The following UVSSA variants were observed in gnomAD, a reference collection of about 807,000 sequenced individuals.
The protein encoded by UVSSA is UV-stimulated scaffold protein A.
A neutral mutation model predicts 73.9 loss-of-function variants in UVSSA; 72 were observed. The observed-to-expected ratio is 0.97, with a 90% CI of 0.81 to 1.19. UVSSA has a LOEUF of 1.19. UVSSA is among the 50% of genes most tolerant of loss of function. UVSSA has a pLI of 0.00. For synonymous variants in UVSSA, 454 were observed against 391.3 expected (o/e 1.16, Z -1.89); for missense variants, 1,150 against 965.0 (o/e 1.19, Z -2.54).
At chr4:1,379,753 G>C (rs1384630792) in intron 10 of UVSSA, among the ~76,000 whole-genome samples, 1 of 149,768 alleles carries the variant, frequency 6.7e-6, no homozygotes, top group South Asian at 2.2e-4. Flanking sequence ...CGCGCGGCTG[G>C]TTCACGTGGC....
rs1258014707 is a variant in UVSSA, at chr4:1,386,894, T to G, written c.*933T>G. 1 of 151,724 alleles carries G rather than the reference T, an allele frequency of 6.6e-6. No homozygotes were observed. The highest frequency in any genetic ancestry group is 1.5e-5 in the Non-Finnish European group (1 of 67,954). The allele number at this position is 151,724 out of a possible 1,614,324, so 9.4% of individuals were successfully genotyped here. On this transcript the variant is annotated 3_prime_UTR_variant, in exon 14 of 14. Transcript: ENST00000389851. ...CACAACACCTGGCTAATTTTTTAAA[T>G]TTTTTGTAGAGATGAGGTCTCACTG...
At chr4:1,377,560 C>G (rs935293541) in intron 10 of UVSSA, among the ~76,000 whole-genome samples, 3 of 152,084 alleles carry the variant, frequency 2.0e-5, no homozygotes, top group African/African-American at 7.2e-5. Context: ...GTTTCTGAGC[C>G]TGGGAGGTGA....
intron 6 of UVSSA, 135 bp downstream of exon 6, chr4:1,354,982 C>T (rs1410028808): frequency 2.9e-5 from 44 of 1,526,840 alleles, no homozygotes; most frequent in Middle Eastern, 3.6e-4. Context: ...GTCCCTCACC[C>T]GCAGCTTTGT....
chr4:1,376,061 GGAGGCCCA>G lies in UVSSA; in HGVS notation c.1464_1471del (p.Gln490GlyfsTer33). ...CCTCCAGAGCGTTGCCAGAGCCACA[GGAGGCCCA>G]GAAGCTGGCAGCAGAGCGGGCCCGG... On this transcript the variant is annotated frameshift_variant, in exon 10 of 14. Transcript: ENST00000389851. LOFTEE classifies it high-confidence loss of function. The G allele has an allele frequency of 6.2e-7, 1 of 1,600,490 alleles. No individual in the cohort carries two copies.
At chr4:1,354,279 C>T (rs1396679554) in intron 5 of UVSSA, among the ~76,000 whole-genome samples, 9 of 145,752 alleles carry the variant, frequency 6.2e-5, no homozygotes, top group Non-Finnish European at 6.0e-5. Context: ...GGTGCCACAG[C>T]GGGGGAAGCC....
intron 8 of UVSSA, among the ~76,000 whole-genome samples, chr4:1,370,975 C>A (rs75602231): frequency 0.015 from 2,333 of 152,348 alleles, 68 homozygotes; most frequent in African/African-American, 0.051. Flanking sequence ...CCCCTGTGCC[C>A]GGCGGCCTTG....
rs995048512 is a variant in UVSSA at position 1,373,286 on chromosome 4, T to C, written c.1289-2078T>C. On this transcript the variant is annotated intron_variant, in intron 8 of 13. Coordinates refer to ENST00000389851, the MANE Select transcript of UVSSA (RefSeq NM_020894.4). ...AGTCCGAGTCTCAAAACTGAAGAAC[T>C]TGGAGTCTGATGTTCGAGGGCAGGA... Among the ~76,000 whole-genome samples the C allele has an allele frequency of 5.9e-5, 9 of 152,280 alleles. No individual in the cohort carries two copies. In the East Asian group the frequency reaches 9.6e-4, roughly 16 times the overall value.
At chr4:1,360,699 C>T (rs1378809296) in intron 7 of UVSSA, among the ~76,000 whole-genome samples, 3 of 152,130 alleles carry the variant, frequency 2.0e-5, no homozygotes, top group Non-Finnish European at 4.4e-5. Flanking sequence ...GTGTGTGACT[C>T]ACCAGAGCCC....
At chr4:1,378,695 T>A (rs1719070268) in intron 10 of UVSSA, among the ~76,000 whole-genome samples, 1 of 152,206 alleles carries the variant, frequency 6.6e-6, no homozygotes, top group South Asian at 2.1e-4. Context: ...GGGGCGTCTC[T>A]GGTCCGAGTT....
At chr4:1,372,750 T>TGCACTCACCTCCCGCGTCTCAGG in intron 8 of UVSSA, among the ~76,000 whole-genome samples, 1 of 53,598 alleles carries the variant, frequency 1.9e-5, no homozygotes, top group Non-Finnish European at 6.5e-5. Context: ...CCCGCGTCCC[T>TGCACTCACCTCCCGCGTCTCAGG]GCACTCACCT....
intron 8 of UVSSA, among the ~76,000 whole-genome samples, chr4:1,373,470 G>A (rs958308045): frequency 6.6e-6 from 1 of 152,108 alleles, no homozygotes. Context: ...AATCTCCTTT[G>A]GCAACACCCT....
At position 1,375,898 on chromosome 4, in the gene UVSSA, G is replaced by A. The variant is rs2109268048; in HGVS notation, c.1434-136G>A. 9.5e-6 allele frequency: 13 copies of A among 1,365,754 alleles called. No homozygotes were observed. In the South Asian group the frequency reaches 1.9e-4, roughly 20 times the overall value. The allele number at this position is 1,365,754 out of a possible 1,614,324, so 84.6% of individuals were successfully genotyped here. ...CCTCAGCGGTGGCCCTGAGGCCCAG[G>A]CGTCGTGTGGCAGAAGCCATTGCTC... is the stretch of plus-strand genomic sequence containing the variant. On this transcript the variant is annotated intron_variant, in intron 9 of 13. Coordinates refer to ENST00000389851, the MANE Select transcript of UVSSA (RefSeq NM_020894.4).
chr4:1,343,672 AGCTACTCG>A (rs1713509898), upstream of UVSSA, among the ~76,000 whole-genome samples: 1 of 152,172 alleles, frequency 6.6e-6, no homozygotes, highest in Non-Finnish European at 1.5e-5. Context: ...CTGTAATCCC[AGCTACTCG>A]GGAGGCTGAG....
chr4:1,394,028 G>T, exon 14 of UVSSA: 1 of 241,230 alleles, frequency 4.1e-6, no homozygotes, highest in East Asian at 1.1e-4. Flanking sequence ...TCGCGGTTCT[G>T]CTGACACGCA....
Position 1,376,168 on chromosome 4 carries a change from A to C in UVSSA, c.1568A>C (p.Lys523Thr), listed in dbSNP as rs770104817. The change falls in exon 10 of 14, where the codon AAG becomes ACG. Residue 523 changes from lysine (K) to threonine (T), a missense_variant and splice_region_variant. Transcript: ENST00000389851. ...CTCCCCACAGCCGGGAAGATTGTCAAGTGAGTCCCCATGTGTCTGAAGTCG... is the reference window on the plus strand; with the variant it reads ...CTCCCCACAGCCGGGAAGATTGTCACGTGAGTCCCCATGTGTCTGAAGTCG... ...QELPTAGKIV[K>T]SDSQHRFWKP... is the part of the protein sequence containing the mutation. The C allele has an allele frequency of 8.7e-6, 14 of 1,609,360 alleles. No individual in the cohort carries two copies. Among genetic ancestry groups the C allele is most frequent in the Non-Finnish European group, 1.2e-5 (14 of 1,178,100 alleles).
At chr4:1,368,838 C>G (rs1229842502) in intron 8 of UVSSA, among the ~76,000 whole-genome samples, 1 of 152,258 alleles carries the variant, frequency 6.6e-6, no homozygotes, top group African/African-American at 2.4e-5. Flanking sequence ...GAAGTGTGCA[C>G]AGCTGGTGCA....
At chr4:1,385,745 C>G (rs1720046446) in intron 13 of UVSSA, 123 bp from the exon 14 acceptor site, 1 of 963,160 alleles carries the variant, frequency 1.0e-6, no homozygotes, top group Admixed American at 1.9e-5. Context: ...CACAGGCAGT[C>G]TGTCAGTGTC....
chr4:1,355,439 G>T (rs1199941084), intron 7 of UVSSA, among the ~76,000 whole-genome samples, 194 bp downstream of exon 7: 1 of 152,262 alleles, frequency 6.6e-6, no homozygotes, highest in Non-Finnish European at 1.5e-5. Flanking sequence ...TGGCAGAGGG[G>T]ACAGTGCAGC....
Position 1,394,872 on chromosome 4 carries a change from C to A in UVSSA, c.*8911C>A, listed in dbSNP as rs542659935. 4.5e-6 allele frequency: 7 copies of A among 1,560,082 alleles called. 1 individual carries two copies. The South Asian group carries it at 8.1e-5, about 18-fold the overall frequency. Reference sequence around the variant, plus strand: ...TGGAGTGCCCGCCTGCTCACACGTGCCGATGCGGAGTGCCCGCCTGCTCAC... The same window carrying A: ...TGGAGTGCCCGCCTGCTCACACGTGACGATGCGGAGTGCCCGCCTGCTCAC... On this transcript the variant is annotated 3_prime_UTR_variant, in exon 14 of 14. Transcript: ENST00000511216.
Sources: gnomAD v4.1 joint callset for allele counts (sites outside exome capture counted in the v4.1 genomes callset) on GRCh38, gnomAD v4.1.1 for gene constraint, MANE v1.5 for transcripts, NCBI Gene and HGNC (gene_info 2026-07-23, HGNC 2026-07-21) for gene names.